Variants in QRSL1 observed in about 807,000 individuals in gnomAD.
The protein encoded by QRSL1 is glutamyl-tRNA(Gln) amidotransferase subunit A, mitochondrial.
Under a neutral mutation model 61.6 loss-of-function variants are expected in QRSL1, and 54 were observed. The ratio of observed to expected loss-of-function variants is 0.88; its 90% CI spans 0.70 to 1.10. QRSL1 has a LOEUF of 1.10. Among genes scored for constraint, QRSL1 ranks in the 50% least tolerant of loss-of-function variants. The pLI, the probability that QRSL1 is intolerant of heterozygous loss-of-function variation, is 0.00. For missense variants in QRSL1, 505 were observed against 622.6 expected, an observed-to-expected ratio of 0.81 and a Z score of 2.01; for synonymous variants, 228 against 225.7, an observed-to-expected ratio of 1.01 and a Z score of -0.09.
At chr6:106,630,254 C>T (rs1038745463) in intron 1 of QRSL1, among the ~76,000 whole-genome samples, 2 of 152,110 alleles carry the variant, frequency 1.3e-5, no homozygotes, top group African/African-American at 2.4e-5. Context: ...CTGGGCAGTT[C>T]TTCTAAATGT....
At chr6:106,647,565 A>AAAG (rs1462970320) in intron 4 of QRSL1, among the ~76,000 whole-genome samples, 5 of 151,060 alleles carry the variant, frequency 3.3e-5, no homozygotes, top group African/African-American at 1.2e-4. Context: ...TCAAAAAAAA[A>AAAG]AAAAAAAGAG....
Position 106,652,478 on chromosome 6 carries a change from G to C in QRSL1, c.745G>C (p.Gly249Arg). ...DAAIVLGALA[G>R]PDPRDSTTVH... Reference sequence around the variant, plus strand: ...ATTGCTCCTTACAGGTGCACTGGCCGGACCTGACCCCAGGGACTCTACCAC... The same window carrying C: ...ATTGCTCCTTACAGGTGCACTGGCCCGACCTGACCCCAGGGACTCTACCAC... The change falls in exon 7 of 11, where the codon GGA (glycine) becomes CGA (arginine). Residue 249 changes from glycine (G) to arginine (R), a missense_variant. Physicochemically the swap from Gly to Arg is moderately radical, Grantham distance 125. Coordinates refer to ENST00000369046, the MANE Select transcript of QRSL1 (RefSeq NM_018292.5). The C allele has an allele frequency of 1.9e-6, 3 of 1,614,136 alleles. No homozygotes were observed. The South Asian group carries it at 3.3e-5, about 18-fold the overall frequency.
rs571638231 is a variant in QRSL1 at position 106,656,651 on chromosome 6, T to C, written c.1160+919T>C. Among the ~76,000 whole-genome samples, 9 of 152,352 alleles carry C rather than the reference T, an allele frequency of 5.9e-5. No individual in the cohort carries two copies. In the South Asian group the frequency reaches 1.4e-3, roughly 25 times the overall value. ...CATCTGCGTATCCTCTCAGGGCCGA[T>C]AGTTAGAATTACTTTTTATTTTTGA... On this transcript the variant is annotated intron_variant, in intron 9 of 10. Coordinates refer to ENST00000369046, the MANE Select transcript of QRSL1 (RefSeq NM_018292.5).
chr6:106,642,594 T>C (rs1221769428), intron 3 of QRSL1: 4 of 751,864 alleles, frequency 5.3e-6, no homozygotes, highest in African/African-American at 1.7e-5. Flanking sequence ...ATGGGTATTG[T>C]TCAAAAAGGA....
chr6:106,645,312 C>A (rs1458416701), intron 4 of QRSL1, among the ~76,000 whole-genome samples: 3 of 152,112 alleles, frequency 2.0e-5, no homozygotes, highest in Non-Finnish European at 4.4e-5. Context: ...TGGAAAGAAT[C>A]GGCATCATAA....
In QRSL1 at chr6:106,640,471, A is replaced by G. The variant is rs1179001164; in HGVS notation, c.147A>G (p.Leu49=). 2 of 1,593,330 alleles carry G rather than the reference A, an allele frequency of 1.3e-6. No homozygotes were observed. Among genetic ancestry groups the G allele is most frequent in the East Asian group, 2.2e-5 (1 of 44,802 alleles). The change falls in exon 2 of 11, where the codon TTA becomes TTG. Residue 49 remains leucine, a synonymous_variant. Transcript: ENST00000369046. ...AYITVSEEVA[L]KQAEESEKRY... ...TTACTGTGTCAGAAGAGGTGGCCTT[A>G]AAACAAGCTGAAGAATCAGAAAAGA...
intron 4 of QRSL1, among the ~76,000 whole-genome samples, chr6:106,646,460 A>ATT (rs773917093): frequency 3.9e-5 from 6 of 152,190 alleles, no homozygotes; most frequent in Non-Finnish European, 7.3e-5. Flanking sequence ...ATCTTCCAGG[A>ATT]TAAGAGATAA....
intron 9 of QRSL1, among the ~76,000 whole-genome samples, chr6:106,662,544 A>G (rs762727206): frequency 6.9e-6 from 1 of 144,468 alleles, no homozygotes; most frequent in Non-Finnish European, 1.5e-5. Context: ...ACCAACCAGT[A>G]TTTCTGGTTT....
intron 9 of QRSL1, among the ~76,000 whole-genome samples, 177 bp from the exon 10 acceptor site, chr6:106,662,803 A>G (rs905416333): frequency 3.3e-5 from 5 of 152,080 alleles, no homozygotes; most frequent in African/African-American, 1.2e-4. Context: ...TCTCTCATAT[A>G]CGCCCCACCA....
intron 3 of QRSL1, chr6:106,642,335 C>T (rs1777033378): frequency 1.2e-5 from 4 of 326,188 alleles, no homozygotes; most frequent in South Asian, 9.5e-5. Flanking sequence ...GGATTACAGG[C>T]GTGAGCCACC....
chr6:106,643,929 T>C (rs1181728489), intron 4 of QRSL1, among the ~76,000 whole-genome samples: 1 of 151,600 alleles, frequency 6.6e-6, no homozygotes, highest in Non-Finnish European at 1.5e-5. Context: ...TGGAATGCAA[T>C]GGTGCGATCT....
At chr6:106,640,951 AT>A in intron 3 of QRSL1, 30 bp downstream of exon 3, 2 of 1,510,660 alleles carry the variant, frequency 1.3e-6, no homozygotes, top group Non-Finnish European at 1.8e-6. Flanking sequence ...AGCATTGATA[AT>A]TTTATAAAAA....
chr6:106,635,962 T>C (rs559395866), intron 1 of QRSL1, among the ~76,000 whole-genome samples: 1 of 152,158 alleles, frequency 6.6e-6, no homozygotes, highest in South Asian at 2.1e-4. Flanking sequence ...TACAGAGAAA[T>C]AAATGCCAAA....
intron 5 of QRSL1, among the ~76,000 whole-genome samples, chr6:106,652,002 C>G (rs773754002): frequency 6.6e-6 from 1 of 152,054 alleles, no homozygotes; most frequent in Non-Finnish European, 1.5e-5. Context: ...ACTTAATATG[C>G]CAAAATGTTA....
chr6:106,642,303 G>A (rs752334328), intron 3 of QRSL1, among the ~76,000 whole-genome samples: 4 of 152,236 alleles, frequency 2.6e-5, no homozygotes, highest in Non-Finnish European at 5.9e-5. Context: ...TGATCCGCCT[G>A]TCTTGGCCTC....
intron 7 of QRSL1, among the ~76,000 whole-genome samples, chr6:106,654,128 G>C (rs1459924686): frequency 6.6e-6 from 1 of 152,172 alleles, no homozygotes; most frequent in African/African-American, 2.4e-5. Flanking sequence ...GAGGCGGGCA[G>C]ATCACGAGGT....
At chr6:106,662,358 G>A (rs2114718863) in intron 9 of QRSL1, among the ~76,000 whole-genome samples, 1 of 152,234 alleles carries the variant, frequency 6.6e-6, no homozygotes, top group East Asian at 1.9e-4. Flanking sequence ...GCATCTACTA[G>A]TGAATTCTGA....
chr6:106,630,029 C>G (rs769938612), intron 1 of QRSL1, among the ~76,000 whole-genome samples: 3 of 152,168 alleles, frequency 2.0e-5, no homozygotes, highest in Admixed American at 2.0e-4. Context: ...GGGGCCACTT[C>G]AGTCTCTCTT....
chr6:106,636,646 C>T (rs1776926142), intron 1 of QRSL1, among the ~76,000 whole-genome samples: 1 of 152,018 alleles, frequency 6.6e-6, no homozygotes, highest in Non-Finnish European at 1.5e-5. Flanking sequence ...GCTATGTGAC[C>T]TCAGGTAGGA....
Sources: allele counts gnomAD v4.1 joint callset (sites outside exome capture counted in the v4.1 genomes callset), GRCh38; gene constraint gnomAD v4.1.1; transcripts MANE v1.5; gene names NCBI Gene and HGNC (gene_info 2026-07-23, HGNC 2026-07-21).